Variants in GABRG3 observed in about 807,000 individuals in gnomAD.
The protein encoded by GABRG3 is gamma-aminobutyric acid type A receptor subunit gamma3.
In GABRG3, 25 loss-of-function variants were observed where a neutral mutation model predicts 48.8. The ratio of observed to expected loss-of-function variants is 0.51; its 90% CI spans 0.37 to 0.72. The LOEUF is 0.72. Among genes scored for constraint, GABRG3 ranks in the 30% least tolerant of loss-of-function variants. The pLI is 0.00. For synonymous variants in GABRG3, 227 were observed against 217.6 expected, an observed-to-expected ratio of 1.04 and a Z score of -0.38; for missense variants, 394 against 577.9, an observed-to-expected ratio of 0.68 and a Z score of 3.26.
At chr15:27,016,533 C>G (rs902780171) in intron 2 of GABRG3, among the ~76,000 whole-genome samples, 1 of 152,092 alleles carries the variant, frequency 6.6e-6, no homozygotes, top group African/African-American at 2.4e-5. Context: ...TCAAGATTCT[C>G]ATTGTCTGTG....
At chr15:27,436,615 A>G (rs536764148) in intron 5 of GABRG3, among the ~76,000 whole-genome samples, 32 of 152,336 alleles carry the variant, frequency 2.1e-4, no homozygotes, top group Admixed American at 1.7e-3. Context: ...TGAGTTACTC[A>G]CTGGTAGATT....
intron 2 of GABRG3, among the ~76,000 whole-genome samples, chr15:27,005,498 A>G (rs28653745): frequency 0.49 from 73,844 of 152,100 alleles, 18,643 homozygotes; most frequent in Middle Eastern, 0.61. Context: ...GTCAATTACT[A>G]TATAGGAAAC....
At chr15:27,096,943 C>T (rs1047849360) in intron 3 of GABRG3, among the ~76,000 whole-genome samples, 10 of 149,306 alleles carry the variant, frequency 6.7e-5, no homozygotes, top group Non-Finnish European at 1.2e-4. Flanking sequence ...TAGGTTCAAG[C>T]AATACTCCTG....
At chr15:27,184,581 C>G (rs1888033924) in intron 3 of GABRG3, among the ~76,000 whole-genome samples, 1 of 152,124 alleles carries the variant, frequency 6.6e-6, no homozygotes, top group African/African-American at 2.4e-5. Flanking sequence ...GCACCAAACA[C>G]AAATAATGGA....
At chr15:27,416,566 G>C (rs1269625354) in intron 5 of GABRG3, among the ~76,000 whole-genome samples, 1 of 152,200 alleles carries the variant, frequency 6.6e-6, no homozygotes. Flanking sequence ...ATAAGGTAGA[G>C]CTTCGGCAGG....
At chr15:27,298,762 G>A (rs915740436) in intron 3 of GABRG3, among the ~76,000 whole-genome samples, 4 of 151,608 alleles carry the variant, frequency 2.6e-5, no homozygotes, top group African/African-American at 9.7e-5. Context: ...AAGTATATAT[G>A]TGCCATGGTG....
chr15:26,979,133 A>G (rs1482004427), intron 2 of GABRG3, among the ~76,000 whole-genome samples: 1 of 152,178 alleles, frequency 6.6e-6, no homozygotes, highest in Non-Finnish European at 1.5e-5. Context: ...TGCCTGTGTT[A>G]ATTTCTAATA....
chr15:27,257,316 C>A (rs1890651990), intron 3 of GABRG3, among the ~76,000 whole-genome samples: 2 of 152,034 alleles, frequency 1.3e-5, no homozygotes, highest in African/African-American at 4.8e-5. Flanking sequence ...ATCGAATGTA[C>A]AATTTGCAAA....
chr15:27,270,567 G>A (rs1049417313), intron 3 of GABRG3, among the ~76,000 whole-genome samples: 1 of 152,220 alleles, frequency 6.6e-6, no homozygotes, highest in Non-Finnish European at 1.5e-5. Flanking sequence ...GAGAAGAATC[G>A]TGGTTATCAG....
At chr15:27,068,226 G>A (rs374298027) in intron 3 of GABRG3, among the ~76,000 whole-genome samples, 16 of 152,250 alleles carry the variant, frequency 1.1e-4, no homozygotes, top group African/African-American at 3.9e-4. Context: ...GCTGGTGGAA[G>A]CTGCTGGCTG....
At chr15:27,466,386 A>T (rs1249236506) in intron 5 of GABRG3, among the ~76,000 whole-genome samples, 2 of 152,262 alleles carry the variant, frequency 1.3e-5, no homozygotes, top group Non-Finnish European at 1.5e-5. Context: ...AGCATTGTTC[A>T]TAGAATCAGT....
chr15:26,994,260 G>A (rs1035344932), intron 2 of GABRG3, among the ~76,000 whole-genome samples: 6 of 151,318 alleles, frequency 4.0e-5, no homozygotes, highest in African/African-American at 9.7e-5. Flanking sequence ...AGATATTCTC[G>A]GTTTTTTGCA....
At chr15:27,500,804 T>G (rs1391406065) in intron 6 of GABRG3, among the ~76,000 whole-genome samples, 1 of 151,644 alleles carries the variant, frequency 6.6e-6, no homozygotes. Flanking sequence ...GTTTCTAATA[T>G]TTTTAGTGAC....
At chr15:27,011,498 T>C (rs1895685953) in intron 2 of GABRG3, among the ~76,000 whole-genome samples, 1 of 152,160 alleles carries the variant, frequency 6.6e-6, no homozygotes, top group South Asian at 2.1e-4. Flanking sequence ...CAACCTCATG[T>C]ATTAAAATAT....
intron 5 of GABRG3, among the ~76,000 whole-genome samples, chr15:27,382,513 C>T (rs1432562556): frequency 6.6e-6 from 1 of 152,082 alleles, no homozygotes; most frequent in Admixed American, 6.5e-5. Context: ...GGCTTTCACT[C>T]GGAGTGAAAA....
intron 5 of GABRG3, among the ~76,000 whole-genome samples, chr15:27,359,022 C>T (rs1390368228): frequency 6.6e-6 from 1 of 152,242 alleles, no homozygotes; most frequent in Non-Finnish European, 1.5e-5. Context: ...GTGACACCTT[C>T]TGGTGGCTGC....
At chr15:27,434,896 T>C (rs1019358802) in intron 5 of GABRG3, among the ~76,000 whole-genome samples, 1 of 152,204 alleles carries the variant, frequency 6.6e-6, no homozygotes, top group African/African-American at 2.4e-5. Flanking sequence ...AGGTTAGCCA[T>C]GTGTCCATCT....
At chr15:27,075,508 C>G (rs1896895770) in intron 3 of GABRG3, among the ~76,000 whole-genome samples, 1 of 152,118 alleles carries the variant, frequency 6.6e-6, no homozygotes, top group Admixed American at 6.6e-5. Flanking sequence ...GAAGGCAAAC[C>G]CTAGAGCTGA....
intron 3 of GABRG3, among the ~76,000 whole-genome samples, chr15:27,267,127 A>G (rs1454155296): frequency 1.4e-5 from 2 of 139,494 alleles, no homozygotes; most frequent in African/African-American, 5.5e-5. Context: ...TTTTTTTGAG[A>G]CAGAGTTTTG....
Sources: allele counts gnomAD v4.1 joint callset (sites outside exome capture counted in the v4.1 genomes callset), GRCh38; gene constraint gnomAD v4.1.1; transcripts MANE v1.5; gene names NCBI Gene and HGNC (gene_info 2026-07-23, HGNC 2026-07-21).